EML2: variants seen among roughly 807,000 people sequenced by gnomAD.
EML2 encodes EMAP like 2, also known as echinoderm microtubule-associated protein-like 2.
In EML2, 59 loss-of-function variants were observed where a neutral mutation model predicts 84.7. The observed-to-expected ratio is 0.70, with a 90% CI of 0.56 to 0.86. The LOEUF is 0.86. EML2 is among the 40% of genes least tolerant of loss of function. The probability of loss-of-function intolerance (pLI) is 0.00; values close to 1 mark genes in which losing one functional copy is unlikely to be tolerated. For missense variants in EML2, 818 were observed against 855.6 expected, an observed-to-expected ratio of 0.96 and a Z score of 0.55; for synonymous variants, 352 against 348.9, an observed-to-expected ratio of 1.01 and a Z score of -0.10.
At chr19:45,617,414 C>T (rs1971218648) in intron 13 of EML2, among the ~76,000 whole-genome samples, 1 of 151,958 alleles carries the variant, frequency 6.6e-6, no homozygotes, top group South Asian at 2.1e-4. Flanking sequence ...AAAAATTAGC[C>T]AGGCATAGTG....
At chr19:45,615,226 G>T (rs564727098) in intron 16 of EML2, among the ~76,000 whole-genome samples, 1 of 152,140 alleles carries the variant, frequency 6.6e-6, no homozygotes, top group East Asian at 1.9e-4. Flanking sequence ...TGGAATCCCA[G>T]CTACTCAGGA....
At chr19:45,632,496 T>TA (rs950003511) in intron 6 of EML2, 20 of 179,894 alleles carry the variant, frequency 1.1e-4, no homozygotes, top group Admixed American at 2.8e-4. Context: ...GATTTTTTTT[T>TA]AAAAAAAAGC....
chr19:45,641,615 C>T, upstream of EML2: 1 of 1,532,508 alleles, frequency 6.5e-7, no homozygotes, highest in Non-Finnish European at 8.7e-7. Flanking sequence ...TCTCTTTCTG[C>T]GGCTTGACGC....
intron 11 of EML2, chr19:45,620,732 G>A (rs868403617): frequency 4.9e-6 from 1 of 203,920 alleles, no homozygotes; most frequent in Non-Finnish European, 1.0e-5. Context: ...AAAAAAAAAA[G>A]TATAAATATA....
chr19:45,645,204 A>C, upstream of EML2: 1 of 1,469,526 alleles, frequency 6.8e-7, no homozygotes, highest in Non-Finnish European at 9.1e-7. Context: ...TGCAAGGAGG[A>C]GGCTGGGGCA....
In EML2 at chr19:45,624,717, A is replaced by AC. The variant is rs1478777252; in HGVS notation, c.841+1dup. On this transcript the variant is annotated splice_donor_variant, in intron 9 of 18. Coordinates refer to ENST00000245925, the MANE Select transcript of EML2 (RefSeq NM_012155.4). LOFTEE classifies it high-confidence loss of function. ...GAACCAAACAGATGGGGTGACACTG[A>AC]CCTTTGCCCCAAACATAGAGGTTCC... 1.4e-5 allele frequency: 23 copies of AC among 1,612,200 alleles called. No individual in the cohort carries two copies. Among genetic ancestry groups the AC allele is most frequent in the African/African-American group, 4.0e-5 (3 of 74,824 alleles).
At chr19:45,642,411 TC>T, upstream of EML2, 1 of 1,497,748 alleles carries the variant, frequency 6.7e-7, no homozygotes, top group Non-Finnish European at 8.9e-7. Flanking sequence ...GCCCAAGGGG[TC>T]CCTCCCGCCT....
intron 14 of EML2, 91 bp downstream of exon 14, chr19:45,616,674 C>A (rs935060484): frequency 1.4e-6 from 2 of 1,419,090 alleles, no homozygotes; most frequent in East Asian, 2.4e-5. Flanking sequence ...TCCTAGGCCT[C>A]GCTTCGCAGG....
At chr19:45,636,856 A>T (rs970444203) in intron 3 of EML2, among the ~76,000 whole-genome samples, 2 of 152,278 alleles carry the variant, frequency 1.3e-5, no homozygotes, top group Non-Finnish European at 2.9e-5. Flanking sequence ...CCGAGGCAGA[A>T]GAATGGCTTG....
intron 9 of EML2, 60 bp downstream of exon 9, chr19:45,624,659 C>T (rs1972091372): frequency 7.8e-7 from 1 of 1,290,020 alleles, no homozygotes; most frequent in Non-Finnish European, 1.1e-6. Context: ...CGAAGGGAGG[C>T]AGAGCCAGGA....
At chr19:45,640,593 A>G (rs1424867889), upstream of EML2, 1 of 151,696 alleles carries the variant, frequency 6.6e-6, no homozygotes, top group Non-Finnish European at 1.5e-5. Flanking sequence ...CCATTTTTGT[A>G]TTATTAATAG....
At chr19:45,633,601 T>A (rs938467615) in intron 4 of EML2, among the ~76,000 whole-genome samples, 3 of 151,928 alleles carry the variant, frequency 2.0e-5, no homozygotes, top group African/African-American at 7.3e-5. Flanking sequence ...TAGCTGGGCG[T>A]GGTGGCGGGC....
At chr19:45,638,081 AGTTAGT>A (rs1477100812) in intron 3 of EML2, among the ~76,000 whole-genome samples, 1 of 152,158 alleles carries the variant, frequency 6.6e-6, no homozygotes, top group East Asian at 1.9e-4. Context: ...CAATGTGCTG[AGTTAGT>A]GTTTTATCAG....
intron 6 of EML2, among the ~76,000 whole-genome samples, chr19:45,632,315 G>A (rs1973150579): frequency 6.6e-6 from 1 of 151,690 alleles, no homozygotes; most frequent in Non-Finnish European, 1.5e-5. Flanking sequence ...AGCCTCCCGA[G>A]TAGCTGGGAC....
At position 45,616,846 on chromosome 19, in the gene EML2, G is replaced by A; in HGVS notation, c.1330C>T (p.Leu444=). ...AGGTCATGGGTCTCCGTGTCCAGCAGCAGCCATCTTGAAGGAGAGGGCGTG... is the reference window on the plus strand; with the variant it reads ...AGGTCATGGGTCTCCGTGTCCAGCAACAGCCATCTTGAAGGAGAGGGCGTG... ...AVGTVTGRWL[L]LDTETHDLVA... is the part of the protein sequence containing the mutation. Residue 444 remains leucine (L), a synonymous_variant, in exon 14 of 19, where the codon CTG becomes TTG. Transcript: ENST00000245925. 1 of 1,613,002 alleles carries A rather than the reference G, an allele frequency of 6.2e-7. No individual in the cohort carries two copies. The highest frequency in any genetic ancestry group is 8.5e-7 in the Non-Finnish European group (1 of 1,179,768).
At chr19:45,614,918 G>C (rs111393752) in intron 16 of EML2, 1 of 471,624 alleles carries the variant, frequency 2.1e-6, no homozygotes. Flanking sequence ...GCATCTGGCC[G>C]GGCATGGTGG....
chr19:45,642,236 C>A (rs1400346374), upstream of EML2: 3 of 1,535,860 alleles, frequency 2.0e-6, no homozygotes, highest in Non-Finnish European at 2.6e-6. Context: ...CGACGCAGAG[C>A]ATCCGCCAGC....
At chr19:45,624,860 A>G (rs1254772886) in intron 8 of EML2, 42 bp from the exon 9 acceptor site, 2 of 1,453,962 alleles carry the variant, frequency 1.4e-6, no homozygotes, top group South Asian at 1.2e-5. Context: ...GCGTCACTGA[A>G]GCAGGTAGCC....
upstream of EML2, chr19:45,642,029 A>C (rs992355483): frequency 1.1e-5 from 16 of 1,443,292 alleles, no homozygotes; most frequent in Non-Finnish European, 1.4e-5. Context: ...AAGGCCTTTC[A>C]AGAGCTGACA....
Sources: gnomAD v4.1 joint callset for allele counts (sites outside exome capture counted in the v4.1 genomes callset) on GRCh38, gnomAD v4.1.1 for gene constraint, MANE v1.5 for transcripts, NCBI Gene and HGNC (gene_info 2026-07-23, HGNC 2026-07-21) for gene names.